The following PLCB1 variants were observed in gnomAD, a reference collection of about 807,000 sequenced individuals.
PLCB1 encodes 1-phosphatidylinositol 4,5-bisphosphate phosphodiesterase beta-1.
In PLCB1, 46 loss-of-function variants were observed where a neutral mutation model predicts 161.8. That is an observed-to-expected ratio of 0.28 (90% CI 0.22 to 0.36). PLCB1 has a LOEUF of 0.36. Among genes scored for constraint, PLCB1 ranks in the 10% least tolerant of loss-of-function variants. The probability of loss-of-function intolerance (pLI) is 1.00; values close to 1 mark genes in which losing one functional copy is unlikely to be tolerated. For synonymous variants in PLCB1, 517 were observed against 503.7 expected (o/e 1.03, Z -0.35); for missense variants, 1,016 against 1,472.5 (o/e 0.69, Z 5.07).
chr20:8,563,270 C>T (rs997820266), intron 3 of PLCB1, among the ~76,000 whole-genome samples: 2 of 151,718 alleles, frequency 1.3e-5, no homozygotes. Flanking sequence ...GTAGTATAGC[C>T]CTACCAAGTA....
intron 11 of PLCB1, among the ~76,000 whole-genome samples, chr20:8,703,412 T>TG (rs1346383152): frequency 6.6e-6 from 1 of 152,022 alleles, no homozygotes; most frequent in East Asian, 1.9e-4. Context: ...AGAGTGAAGG[T>TG]GGGGGGCTAA....
chr20:8,629,099 C>G lies in PLCB1; in HGVS notation c.384+668C>G, dbSNP rs986096820. On this transcript the variant is annotated intron_variant, in intron 4 of 31. Coordinates refer to ENST00000338037, the MANE Select transcript of PLCB1 (RefSeq NM_015192.4). The stretch of plus-strand genomic sequence containing the variant: ...TTCTAAGTCCGTGTCATTTCCAGCT[C>G]TCTCCTAGGGGACAGACATCTTCAG... 3.1e-4 allele frequency among the ~76,000 whole-genome samples: 47 copies of G among 152,142 alleles called. 1 individual carries two copies. Among genetic ancestry groups the G allele is most frequent in the Non-Finnish European group, 7.4e-5 (5 of 68,024 alleles).
intron 2 of PLCB1, among the ~76,000 whole-genome samples, chr20:8,224,609 A>T (rs1457804854): frequency 1.3e-5 from 2 of 152,192 alleles, no homozygotes; most frequent in Non-Finnish European, 2.9e-5. Context: ...AAAAATTTTT[A>T]AAGAACTTTT....
intron 3 of PLCB1, among the ~76,000 whole-genome samples, chr20:8,612,202 C>T (rs1249245267): frequency 6.6e-6 from 1 of 151,996 alleles, no homozygotes; most frequent in African/African-American, 2.4e-5. Flanking sequence ...GCAATAAAGG[C>T]ATAAAGTTTG....
chr20:8,320,385 A>T (rs1328455948), intron 2 of PLCB1, among the ~76,000 whole-genome samples: 1 of 152,190 alleles, frequency 6.6e-6, no homozygotes, highest in East Asian at 1.9e-4. Flanking sequence ...GGTAAGTATT[A>T]GGTAATATAA....
chr20:8,511,129 C>G (rs907623335), intron 3 of PLCB1, among the ~76,000 whole-genome samples: 4 of 151,946 alleles, frequency 2.6e-5, no homozygotes, highest in Non-Finnish European at 4.4e-5. Flanking sequence ...TGATTAACAT[C>G]TCTGTCTCAG....
intron 3 of PLCB1, among the ~76,000 whole-genome samples, chr20:8,549,329 T>C (rs1985688972): frequency 6.6e-6 from 1 of 152,172 alleles, no homozygotes. Context: ...TTTTAGCCAA[T>C]TACTAATTAA....
chr20:8,865,015 A>G (rs1370135793), intron 31 of PLCB1, among the ~76,000 whole-genome samples: 1 of 152,248 alleles, frequency 6.6e-6, no homozygotes, highest in Non-Finnish European at 1.5e-5. Context: ...AAAAACGAAT[A>G]GTGTTTTAAA....
At chr20:8,388,972 C>T (rs373812037) in intron 3 of PLCB1, among the ~76,000 whole-genome samples, 44 of 152,228 alleles carry the variant, frequency 2.9e-4, no homozygotes, top group African/African-American at 9.9e-4. Flanking sequence ...GGAATGGTTC[C>T]CTTGGCAGAT....
intron 3 of PLCB1, among the ~76,000 whole-genome samples, chr20:8,622,797 A>G (rs1988221570): frequency 6.6e-6 from 1 of 152,164 alleles, no homozygotes; most frequent in South Asian, 2.1e-4. Flanking sequence ...CATCCAGACA[A>G]AGATCCTGTC....
Position 8,132,637 on chromosome 20 carries a change from C to A in PLCB1, c.-15C>A. On this transcript the variant is annotated 5_prime_UTR_variant, in exon 1 of 32. Coordinates refer to ENST00000338037, the MANE Select transcript of PLCB1 (RefSeq NM_015192.4). The surrounding 1 kb of genome is among the most constrained non-coding windows in gnomAD (Gnocchi z 5.2). Reference sequence around the variant, plus strand: ...CCGCGCTCGCCCGGGCCGCCCGGAGCCCAGATGAGCCCAGATGGCCGGGGC... The same window carrying A: ...CCGCGCTCGCCCGGGCCGCCCGGAGACCAGATGAGCCCAGATGGCCGGGGC... The A allele has an allele frequency of 6.3e-7, 1 of 1,594,990 alleles. No individual in the cohort carries two copies. Among genetic ancestry groups the A allele is most frequent in the Non-Finnish European group, 8.6e-7 (1 of 1,168,178 alleles).
intron 26 of PLCB1, among the ~76,000 whole-genome samples, chr20:8,765,992 T>C (rs75451770): frequency 0.013 from 1,993 of 152,188 alleles, 32 homozygotes; most frequent in African/African-American, 0.046. Flanking sequence ...ACTGGTCTTA[T>C]AGAAAAGAGA....
intron 2 of PLCB1, among the ~76,000 whole-genome samples, chr20:8,330,341 T>C (rs1432102128): frequency 6.6e-6 from 1 of 152,168 alleles, no homozygotes; most frequent in Non-Finnish European, 1.5e-5. Flanking sequence ...CTCACAGCTG[T>C]AACTGGTAAA....
intron 2 of PLCB1, among the ~76,000 whole-genome samples, chr20:8,203,114 C>T (rs188527790): frequency 5.3e-5 from 8 of 151,776 alleles, no homozygotes; most frequent in Admixed American, 3.9e-4. Context: ...CACACACACA[C>T]GTACACACAC....
intron 23 of PLCB1, among the ~76,000 whole-genome samples, chr20:8,744,811 T>G (rs933789051): frequency 7.2e-5 from 11 of 152,084 alleles, no homozygotes; most frequent in Non-Finnish European, 1.3e-4. Context: ...CTCTAAAGAA[T>G]GAGAGACATA....
intron 11 of PLCB1, among the ~76,000 whole-genome samples, chr20:8,698,260 A>G (rs749055086): frequency 2.0e-5 from 3 of 152,156 alleles, no homozygotes; most frequent in Non-Finnish European, 4.4e-5. Flanking sequence ...CATCCTGACT[A>G]TTACAGTGGT....
intron 2 of PLCB1, among the ~76,000 whole-genome samples, chr20:8,336,053 G>A (rs1478035881): frequency 2.6e-5 from 4 of 152,106 alleles, no homozygotes; most frequent in African/African-American, 9.7e-5. Context: ...TCTTTAGCCT[G>A]GAGAAAAGTA....
At chr20:8,357,084 A>C (rs1273741629) in intron 2 of PLCB1, among the ~76,000 whole-genome samples, 1 of 152,234 alleles carries the variant, frequency 6.6e-6, no homozygotes, top group Non-Finnish European at 1.5e-5. Flanking sequence ...TGGGTGCTCA[A>C]AACCTATGTT....
intron 3 of PLCB1, among the ~76,000 whole-genome samples, chr20:8,445,027 C>T (rs1439394476): frequency 5.3e-5 from 8 of 152,144 alleles, no homozygotes; most frequent in Admixed American, 1.3e-4. Flanking sequence ...GTTTCTGTTG[C>T]TGTGCAGAAG....
Sources: allele counts gnomAD v4.1 joint callset (sites outside exome capture counted in the v4.1 genomes callset), GRCh38; gene constraint gnomAD v4.1.1; non-coding constraint Gnocchi (gnomAD v3.1); transcripts MANE v1.5; gene names NCBI Gene and HGNC (gene_info 2026-07-23, HGNC 2026-07-21).